Variants in CGNL1 observed in about 807,000 individuals in gnomAD.
The protein encoded by CGNL1 is cingulin-like protein 1.
Under a neutral mutation model 141.2 loss-of-function variants are expected in CGNL1, and 132 were observed. The observed-to-expected ratio is 0.93, with a 90% CI of 0.81 to 1.08. CGNL1 has a LOEUF of 1.08. Among genes scored for constraint, CGNL1 ranks in the 50% least tolerant of loss-of-function variants. The pLI, the probability that CGNL1 is intolerant of heterozygous loss-of-function variation, is 0.00. For synonymous variants in CGNL1, 690 were observed against 622.1 expected, an observed-to-expected ratio of 1.11 and a Z score of -1.63; for missense variants, 1,870 against 1,588.6, an observed-to-expected ratio of 1.18 and a Z score of -3.01.
chr15:57,469,376 C>G (rs968843199), intron 8 of CGNL1, among the ~76,000 whole-genome samples: 1 of 149,676 alleles, frequency 6.7e-6, no homozygotes, highest in Non-Finnish European at 1.5e-5. Context: ...ATCTGGGAGT[C>G]GTTGGACGGA....
At chr15:57,496,164 A>T (rs1291389287) in intron 8 of CGNL1, among the ~76,000 whole-genome samples, 1 of 152,214 alleles carries the variant, frequency 6.6e-6, no homozygotes, top group African/African-American at 2.4e-5. Context: ...ATTAAAAACA[A>T]AACAAAACCC....
At chr15:57,406,763 T>C (rs569983093) in intron 1 of CGNL1, among the ~76,000 whole-genome samples, 1 of 152,216 alleles carries the variant, frequency 6.6e-6, no homozygotes, top group African/African-American at 2.4e-5. Context: ...CCAGAAAATT[T>C]GTAGTGAGTG....
intron 1 of CGNL1, among the ~76,000 whole-genome samples, chr15:57,425,563 T>C (rs1371151342): frequency 1.3e-5 from 2 of 151,948 alleles, no homozygotes; most frequent in Non-Finnish European, 2.9e-5. Context: ...GCCAACATGG[T>C]GAAACCATCT....
intron 2 of CGNL1, among the ~76,000 whole-genome samples, chr15:57,439,817 C>T (rs976435886): frequency 6.6e-6 from 1 of 152,126 alleles, no homozygotes; most frequent in Non-Finnish European, 1.5e-5. Flanking sequence ...CAGCTGGATT[C>T]CCATTGTGAT....
At position 57,440,365 on chromosome 15, in the gene CGNL1, C is replaced by T. The variant is rs1595707576; in HGVS notation, c.1603-12C>T. 1.9e-6 allele frequency: 3 copies of T among 1,586,206 alleles called. No homozygotes were observed. The highest frequency in any genetic ancestry group is 1.7e-6 in the Non-Finnish European group (2 of 1,163,720). On this transcript the variant is annotated splice_polypyrimidine_tract_variant and intron_variant, in intron 2 of 18. Transcript: ENST00000281282. Reference sequence around the variant, plus strand: ...TCATCCTCATGGTCTAACAACAGGCCTTATGTTCCAGGCCACACCGGATCT... The same window carrying T: ...TCATCCTCATGGTCTAACAACAGGCTTTATGTTCCAGGCCACACCGGATCT...
intron 10 of CGNL1, among the ~76,000 whole-genome samples, chr15:57,521,590 A>T (rs1350679221): frequency 6.6e-6 from 1 of 152,222 alleles, no homozygotes; most frequent in East Asian, 1.9e-4. Context: ...GAAATAATTT[A>T]AAAATAATGT....
At chr15:57,527,867 G>C (rs2031710940) in intron 12 of CGNL1, among the ~76,000 whole-genome samples, 2 of 152,172 alleles carry the variant, frequency 1.3e-5, no homozygotes, top group South Asian at 4.1e-4. Context: ...CCTCTTTTGA[G>C]GTGACAGTGA....
chr15:57,533,873 C>G lies in CGNL1; in HGVS notation c.3291+2094C>G, dbSNP rs527985421. On this transcript the variant is annotated intron_variant, in intron 14 of 18. Coordinates refer to ENST00000281282, the MANE Select transcript of CGNL1 (RefSeq NM_032866.5). ...GGGGGGAAGTTAAGGGAACCAAGGA[C>G]TTGAAGTAAGTCCAGGGAGGAAGTT... Among the ~76,000 whole-genome samples the G allele has an allele frequency of 3.0e-4, 45 of 152,330 alleles. No homozygotes were observed. The East Asian group carries it at 3.3e-3, about 11-fold the overall frequency.
rs536949727 is a variant in CGNL1 at position 57,465,284 on chromosome 15, A to C, written c.2403+3392A>C. 1.3e-4 allele frequency among the ~76,000 whole-genome samples: 20 copies of C among 152,042 alleles called. No homozygotes were observed. In the South Asian group the frequency reaches 3.9e-3, roughly 30 times the overall value. Reference sequence around the variant, plus strand: ...AGAGTGAATTAAATATAATTTTTAAATCTGGTAAATAATGTTTCTTAAATA... The same window carrying C: ...AGAGTGAATTAAATATAATTTTTAACTCTGGTAAATAATGTTTCTTAAATA... On this transcript the variant is annotated intron_variant, in intron 8 of 18. Coordinates refer to ENST00000281282, the MANE Select transcript of CGNL1 (RefSeq NM_032866.5).
chr15:57,393,307 A>C lies in CGNL1; in HGVS notation c.-16+16740A>C, dbSNP rs750770706. ...CAGACAATGATAATATCGTTGAGCTATGGTAAGATCATTTCCTTTGGAACA... is the reference window on the plus strand; with the variant it reads ...CAGACAATGATAATATCGTTGAGCTCTGGTAAGATCATTTCCTTTGGAACA... On this transcript the variant is annotated intron_variant, in intron 1 of 18. Coordinates refer to ENST00000281282, the MANE Select transcript of CGNL1 (RefSeq NM_032866.5). 2.6e-5 allele frequency among the ~76,000 whole-genome samples: 4 copies of C among 152,340 alleles called. No homozygotes were observed. The East Asian group carries it at 7.7e-4, about 29-fold the overall frequency.
chr15:57,490,403 C>T (rs2063842747), intron 8 of CGNL1, among the ~76,000 whole-genome samples: 1 of 152,132 alleles, frequency 6.6e-6, no homozygotes, highest in Middle Eastern at 3.4e-3. Context: ...TCCAAACACA[C>T]ACACACACGC....
At chr15:57,439,731 C>G in intron 2 of CGNL1, 130 bp downstream of exon 2, 1 of 946,276 alleles carries the variant, frequency 1.1e-6, no homozygotes, top group East Asian at 2.6e-5. Context: ...CACAGCTGAT[C>G]TGTTTCAGGA....
chr15:57,493,563 A>G (rs1331047457), intron 8 of CGNL1, among the ~76,000 whole-genome samples: 1 of 152,242 alleles, frequency 6.6e-6, no homozygotes, highest in African/African-American at 2.4e-5. Flanking sequence ...AACTGAAAAG[A>G]GATACATGAT....
intron 8 of CGNL1, among the ~76,000 whole-genome samples, chr15:57,500,011 A>C (rs16977545): frequency 5.3e-5 from 8 of 152,108 alleles, no homozygotes; most frequent in Admixed American, 5.2e-4. Context: ...GTCATTCTGG[A>C]AGATACCTGG....
At chr15:57,409,882 G>T (rs540249289) in intron 1 of CGNL1, among the ~76,000 whole-genome samples, 1 of 152,312 alleles carries the variant, frequency 6.6e-6, no homozygotes, top group East Asian at 1.9e-4. Flanking sequence ...AAATCAAGTG[G>T]GAAGGGAATG....
At chr15:57,436,196 T>C (rs2063103592) in intron 1 of CGNL1, among the ~76,000 whole-genome samples, 1 of 152,178 alleles carries the variant, frequency 6.6e-6, no homozygotes, top group Non-Finnish European at 1.5e-5. Flanking sequence ...TAACAGAACA[T>C]TGATTTTGTT....
intron 10 of CGNL1, among the ~76,000 whole-genome samples, chr15:57,520,235 C>G (rs1390621411): frequency 6.6e-6 from 1 of 152,192 alleles, no homozygotes; most frequent in Admixed American, 6.5e-5. Flanking sequence ...AGCACCATCG[C>G]TCTGAAATAC....
intron 4 of CGNL1, among the ~76,000 whole-genome samples, chr15:57,449,017 C>G (rs2063290417): frequency 6.6e-6 from 1 of 152,198 alleles, no homozygotes; most frequent in South Asian, 2.1e-4. Flanking sequence ...TGCCCTTACT[C>G]TTAAGACATG....
chr15:57,472,943 G>C (rs2063601377), intron 8 of CGNL1, among the ~76,000 whole-genome samples: 1 of 152,146 alleles, frequency 6.6e-6, no homozygotes, highest in African/African-American at 2.4e-5. Flanking sequence ...AACGTAGTGG[G>C]GTGCTTGCCT....
Sources: gnomAD v4.1 joint callset for allele counts (sites outside exome capture counted in the v4.1 genomes callset) on GRCh38, gnomAD v4.1.1 for gene constraint, MANE v1.5 for transcripts, NCBI Gene and HGNC (gene_info 2026-07-23, HGNC 2026-07-21) for gene names.